Variants in JDP2 observed in about 807,000 individuals in gnomAD.
The protein encoded by JDP2 is progesterone receptor co-activator.
A neutral mutation model predicts 17.1 loss-of-function variants in JDP2; 9 were observed. The ratio of observed to expected loss-of-function variants is 0.53; its 90% CI spans 0.32 to 0.92. The LOEUF is 0.92. Among genes scored for constraint, JDP2 ranks in the 40% least tolerant of loss-of-function variants. JDP2 has a pLI of 0.04. For missense variants in JDP2, 179 were observed against 220.0 expected (o/e 0.81, Z 1.18); for synonymous variants, 107 against 95.6 (o/e 1.12, Z -0.69).
At chr14:75,452,023 A>G (rs747930621) in intron 2 of JDP2, among the ~76,000 whole-genome samples, 3 of 152,174 alleles carry the variant, frequency 2.0e-5, no homozygotes, top group Admixed American at 6.5e-5. Context: ...GGCTCAAGCA[A>G]TCCTCCAGCC....
intron 2 of JDP2, among the ~76,000 whole-genome samples, chr14:75,456,184 C>G (rs547535141): frequency 8.5e-4 from 129 of 152,308 alleles, no homozygotes; most frequent in African/African-American, 3.0e-3. Context: ...ATAGTCAGTC[C>G]TCACCAGGGT....
intron 3 of JDP2, among the ~76,000 whole-genome samples, 169 bp downstream of exon 3, chr14:75,461,699 C>T (rs1886355673): frequency 6.6e-6 from 1 of 152,188 alleles, no homozygotes; most frequent in South Asian, 2.1e-4. Context: ...CCTCCCCAAT[C>T]TCTGAACCAA....
chr14:75,473,829 A>C lies in JDP2; in HGVS notation c.*4354A>C, dbSNP rs1349229225. On this transcript the variant is annotated 3_prime_UTR_variant, in exon 4 of 4. Coordinates refer to ENST00000651602, the MANE Select transcript of JDP2 (RefSeq NM_001135048.2). ...GGGTAATAGAGGTATAAAAGCCTGC[A>C]CAAGAATGCTGTCAATATCACAATC... is the stretch of plus-strand genomic sequence containing the variant. 1 of 152,218 alleles carries C rather than the reference A, an allele frequency of 6.6e-6. No homozygotes were observed. Among genetic ancestry groups the C allele is most frequent in the Non-Finnish European group, 1.5e-5 (1 of 68,034 alleles). 9.4% of individuals were successfully genotyped at this position (152,218 alleles called of 1,614,324 possible).
chr14:75,464,965 C>T (rs1237302408), intron 3 of JDP2, among the ~76,000 whole-genome samples: 2 of 152,194 alleles, frequency 1.3e-5, no homozygotes, highest in African/African-American at 2.4e-5. Context: ...CTCACACTCC[C>T]GTGGTGCCCT....
At chr14:75,454,382 G>A (rs1309136412) in intron 2 of JDP2, among the ~76,000 whole-genome samples, 1 of 152,192 alleles carries the variant, frequency 6.6e-6, no homozygotes, top group Non-Finnish European at 1.5e-5. Context: ...ACGCAGCCTT[G>A]ATGTTCTTAG....
intron 2 of JDP2, among the ~76,000 whole-genome samples, chr14:75,459,796 TC>T (rs1242431717): frequency 6.6e-6 from 1 of 152,176 alleles, no homozygotes; most frequent in Non-Finnish European, 1.5e-5. Flanking sequence ...CTTCAGATTT[TC>T]CTGGTAGATC....
At chr14:75,468,523 A>C (rs1427758441) in intron 3 of JDP2, among the ~76,000 whole-genome samples, 2 of 152,198 alleles carry the variant, frequency 1.3e-5, no homozygotes, top group East Asian at 3.9e-4. Flanking sequence ...CACGATGGAC[A>C]TGTAACCCTC....
chr14:75,469,925 C>T lies in JDP2; in HGVS notation c.*450C>T, dbSNP rs1886744518. On this transcript the variant is annotated 3_prime_UTR_variant, in exon 4 of 4. Coordinates refer to ENST00000651602, the MANE Select transcript of JDP2 (RefSeq NM_001135048.2). The stretch of plus-strand genomic sequence containing the variant: ...GAATGAAACTGCAACCCACCTGCCC[C>T]CAGCCCTGCCCCTCGCCCTGATGCG... 1 of 156,352 alleles carries T rather than the reference C, an allele frequency of 6.4e-6. No individual in the cohort carries two copies. The highest frequency in any genetic ancestry group is 1.4e-5 in the Non-Finnish European group (1 of 70,428). The allele number at this position is 156,352 out of a possible 1,614,324, so 9.7% of individuals were successfully genotyped here. A position where few individuals can be genotyped will look rare whatever the true frequency, so the allele number is the denominator to read the frequency against.
At position 75,430,406 on chromosome 14, in the gene JDP2, A is replaced by T. The variant is rs1221869585; in HGVS notation, c.-24+2154A>T. Among the ~76,000 whole-genome samples, 1 of 152,212 alleles carries T rather than the reference A, an allele frequency of 6.6e-6. No homozygotes were observed. The highest frequency in any genetic ancestry group is 2.4e-5 in the African/African-American group (1 of 41,452). On this transcript the variant is annotated intron_variant, in intron 1 of 3. Coordinates refer to ENST00000651602, the MANE Select transcript of JDP2 (RefSeq NM_001135048.2). This position sits in a 1 kb window ranked among gnomAD's most constrained non-coding sequence, Gnocchi z 4.5. ...TTTCTGCCTTTCTGCTGCAGGATGCAGTTTGCTTTTTTTCCATGCGAATGA... is the reference window on the plus strand; with the variant it reads ...TTTCTGCCTTTCTGCTGCAGGATGCTGTTTGCTTTTTTTCCATGCGAATGA...
chr14:75,469,390 G>A lies in JDP2; in HGVS notation c.407G>A (p.Arg136His). ...QQLILMLNRH[R>H]PTCIVRTDSV... ...CTCATCCTGATGCTGAACCGACACC[G>A]CCCCACCTGCATCGTCCGGACCGAC... Residue 136 changes from arginine to histidine, a missense_variant, in exon 4 of 4, where the codon CGC becomes CAC. Arg to His is a conservative substitution (Grantham distance 29). Coordinates refer to ENST00000651602, the MANE Select transcript of JDP2 (RefSeq NM_001135048.2). 5 of 1,614,126 alleles carry A rather than the reference G, an allele frequency of 3.1e-6. No homozygotes were observed. The highest frequency in any genetic ancestry group is 3.4e-6 in the Non-Finnish European group (4 of 1,180,004).
intron 2 of JDP2, among the ~76,000 whole-genome samples, chr14:75,448,778 A>G (rs1304904786): frequency 6.6e-6 from 1 of 152,156 alleles, no homozygotes; most frequent in Non-Finnish European, 1.5e-5. Flanking sequence ...TTCTCATGCC[A>G]AAGGAACCCT....
At chr14:75,445,666 T>C in intron 2 of JDP2, 1 of 844,720 alleles carries the variant, frequency 1.2e-6, no homozygotes, top group Non-Finnish European at 1.4e-6. Flanking sequence ...ATATATTATC[T>C]CAAAATGGAT....
chr14:75,439,212 T>C (rs1885222484), intron 2 of JDP2, among the ~76,000 whole-genome samples: 1 of 152,194 alleles, frequency 6.6e-6, no homozygotes, highest in Admixed American at 6.5e-5. Context: ...TCAGCTCCCC[T>C]TCTCCTGATA....
At chr14:75,435,319 A>G (rs1885012648) in intron 1 of JDP2, among the ~76,000 whole-genome samples, 2 of 152,330 alleles carry the variant, frequency 1.3e-5, no homozygotes, top group Admixed American at 1.3e-4. Context: ...GAACACCCAC[A>G]TGCGAGAGGT....
intron 2 of JDP2, among the ~76,000 whole-genome samples, chr14:75,444,719 G>A (rs1885515443): frequency 6.6e-6 from 1 of 152,228 alleles, no homozygotes; most frequent in Non-Finnish European, 1.5e-5. Context: ...CTTGACTGCA[G>A]TGCAGTATGT....
chr14:75,428,437 C>T lies in JDP2; in HGVS notation c.-24+185C>T, dbSNP rs1458429103. The T allele has an allele frequency of 6.6e-6, 1 of 151,902 alleles. No individual in the cohort carries two copies. The highest frequency in any genetic ancestry group is 1.5e-5 in the Non-Finnish European group (1 of 67,920). 9.4% of individuals were successfully genotyped at this position (151,902 alleles called of 1,614,324 possible). A position where few individuals can be genotyped will look rare whatever the true frequency, so the allele number is the denominator to read the frequency against. On this transcript the variant is annotated intron_variant, in intron 1 of 3. Transcript: ENST00000651602. The surrounding 1 kb of genome is among the most constrained non-coding windows in gnomAD (Gnocchi z 5.6). ...CCGCGCCGGGCGCTGCAGCCGGGCC[C>T]CTCCCGCGAGGCGCCCGGCAGCCTG... is the stretch of plus-strand genomic sequence containing the variant.
At chr14:75,451,727 G>A (rs1488373512) in intron 2 of JDP2, among the ~76,000 whole-genome samples, 1 of 152,122 alleles carries the variant, frequency 6.6e-6, no homozygotes, top group Non-Finnish European at 1.5e-5. Flanking sequence ...GAGGGATGAT[G>A]CACAGTCAGG....
intron 2 of JDP2, among the ~76,000 whole-genome samples, chr14:75,440,279 C>G (rs951546323): frequency 4.6e-5 from 7 of 152,154 alleles, no homozygotes; most frequent in Non-Finnish European, 8.8e-5. Flanking sequence ...GAGATTGTAC[C>G]GATGTAGAGA....
At position 75,472,562 on chromosome 14, in the gene JDP2, T is replaced by C. The variant is rs746851631; in HGVS notation, c.*3087T>C. The C allele has an allele frequency of 1.3e-5, 2 of 152,222 alleles. No individual in the cohort carries two copies. Among genetic ancestry groups the C allele is most frequent in the Non-Finnish European group, 2.9e-5 (2 of 68,038 alleles). The allele number at this position is 152,222 out of a possible 1,614,324, so 9.4% of individuals were successfully genotyped here. On this transcript the variant is annotated 3_prime_UTR_variant, in exon 4 of 4. Transcript: ENST00000651602. ...AACGGGTTCATGATGTAATCTTCTA[T>C]TGACTAGCTGTGAACCTCATTTTTC...
Sources: allele counts gnomAD v4.1 joint callset (sites outside exome capture counted in the v4.1 genomes callset), GRCh38; gene constraint gnomAD v4.1.1; non-coding constraint Gnocchi (gnomAD v3.1); transcripts MANE v1.5; gene names NCBI Gene and HGNC (gene_info 2026-07-23, HGNC 2026-07-21).